The following ZBTB25 variants were observed in gnomAD, a reference collection of about 807,000 sequenced individuals.
The protein encoded by ZBTB25 is zinc finger and BTB domain containing 25.
In ZBTB25, 20 loss-of-function variants were observed where a neutral mutation model predicts 34.2. That is an observed-to-expected ratio of 0.58 (90% CI 0.41 to 0.85). ZBTB25 has a LOEUF of 0.85. ZBTB25 is among the 40% of genes least tolerant of loss of function. The probability of loss-of-function intolerance (pLI) is 0.00; values close to 1 mark genes in which losing one functional copy is unlikely to be tolerated. For missense variants in ZBTB25, 437 were observed against 521.8 expected (o/e 0.84, Z 1.58); for synonymous variants, 175 against 186.4 (o/e 0.94, Z 0.50).
At chr14:64,491,879 G>T (rs2079092200) in intron 1 of ZBTB25, among the ~76,000 whole-genome samples, 1 of 152,166 alleles carries the variant, frequency 6.6e-6, no homozygotes, top group Non-Finnish European at 1.5e-5. Context: ...GCCGTCTAAA[G>T]ATTGGCAGTG....
rs1454973855 is a variant in ZBTB25, at chr14:64,503,820, C to T, written c.-167G>A. On this transcript the variant is annotated 5_prime_UTR_variant, in exon 1 of 3. Coordinates refer to ENST00000608382, the MANE Select transcript of ZBTB25 (RefSeq NM_006977.5). The stretch of plus-strand genomic sequence containing the variant: ...GCGATGGCCCCACGTGACCGCGTGT[C>T]TGGTAGCAGGGGAAAGAGGGGCGCC... The T allele has an allele frequency of 6.3e-6, 1 of 159,310 alleles. No individual in the cohort carries two copies. Among genetic ancestry groups the T allele is most frequent in the Non-Finnish European group, 1.3e-5 (1 of 74,602 alleles). 9.9% of individuals were successfully genotyped at this position (159,310 alleles called of 1,614,324 possible).
intron 1 of ZBTB25, chr14:64,502,950 C>A: frequency 1.0e-6 from 1 of 985,456 alleles, no homozygotes; most frequent in East Asian, 1.1e-4. Flanking sequence ...ACTTGAGTCT[C>A]AAGAGAAAGA....
In ZBTB25 at chr14:64,486,328, T is replaced by C; in HGVS notation, c.*595A>G. On this transcript the variant is annotated 3_prime_UTR_variant, in exon 3 of 3. Coordinates refer to ENST00000608382, the MANE Select transcript of ZBTB25 (RefSeq NM_006977.5). ...AAAAAAAAAAGAGGTATACTCAATG[T>C]TAAAAAGTAAAGAGAAGCCATGTAG... 1.0e-6 allele frequency: 1 copy of C among 985,048 alleles called. No homozygotes were observed. The highest frequency in any genetic ancestry group is 1.7e-5 in the African/African-American group (1 of 57,278). 61.0% of individuals were successfully genotyped at this position (985,048 alleles called of 1,614,324 possible).
intron 2 of ZBTB25, among the ~76,000 whole-genome samples, chr14:64,488,682 T>C (rs991547953): frequency 5.9e-5 from 9 of 152,216 alleles, no homozygotes; most frequent in Non-Finnish European, 1.3e-4. Context: ...ACAAGTATTA[T>C]ATAAAATATC....
Position 64,484,953 on chromosome 14 carries a change from A to G in ZBTB25, c.*1970T>C. 1 of 967,426 alleles carries G rather than the reference A, an allele frequency of 1.0e-6. No homozygotes were observed. The highest frequency in any genetic ancestry group is 1.2e-6 in the Non-Finnish European group (1 of 813,606). 59.9% of individuals were successfully genotyped at this position (967,426 alleles called of 1,614,324 possible). A position where few individuals can be genotyped will look rare whatever the true frequency, so the allele number is the denominator to read the frequency against. On this transcript the variant is annotated 3_prime_UTR_variant, in exon 3 of 3. Coordinates refer to ENST00000608382, the MANE Select transcript of ZBTB25 (RefSeq NM_006977.5). ...TTAGACAAAGTTCTGACCCCAAAGA[A>G]CATACATTTGTTTTAATTACTCCCA... is the stretch of plus-strand genomic sequence containing the variant.
At chr14:64,502,575 T>C in intron 1 of ZBTB25, 1 of 957,504 alleles carries the variant, frequency 1.0e-6, no homozygotes, top group Non-Finnish European at 1.2e-6. Flanking sequence ...CTACCTCACC[T>C]AGAAATACCA....
At chr14:64,498,723 T>TC (rs2079375447) in intron 1 of ZBTB25, among the ~76,000 whole-genome samples, 2 of 152,058 alleles carry the variant, frequency 1.3e-5, no homozygotes, top group Non-Finnish European at 2.9e-5. Flanking sequence ...AAGCTCCGCC[T>TC]CCCGGGTTCG....
At chr14:64,470,930 C>G (rs1019982717) in intron 2 of ZBTB25, 1 of 166,964 alleles carries the variant, frequency 6.0e-6, no homozygotes, top group Non-Finnish European at 1.5e-5. Flanking sequence ...AGATTCAAAG[C>G]CAGCCTGGTA....
chr14:64,455,224 C>T (rs2078450221), intron 2 of ZBTB25: 1 of 333,876 alleles, frequency 3.0e-6, no homozygotes, highest in African/African-American at 2.1e-5. Context: ...GGGAGCCTTA[C>T]ATAGATTAAC....
At chr14:64,468,035 TA>T (rs1250945710) in intron 2 of ZBTB25, 7 of 157,518 alleles carry the variant, frequency 4.4e-5, no homozygotes, top group African/African-American at 1.7e-4. Flanking sequence ...ATATGGAAAA[TA>T]TGCCTGGTAG....
chr14:64,503,713 C>T lies in ZBTB25; in HGVS notation c.-60G>A, dbSNP rs1383629981. 1.5e-6 allele frequency: 1 copy of T among 675,440 alleles called. No individual in the cohort carries two copies. The highest frequency in any genetic ancestry group is 1.4e-4 in the East Asian group (1 of 7,354). 41.8% of individuals were successfully genotyped at this position (675,440 alleles called of 1,614,324 possible). On this transcript the variant is annotated 5_prime_UTR_variant, in exon 1 of 3. Transcript: ENST00000608382. ...CTCCTCCGTGCAGGAGGGGCGGGCT[C>T]CCAAGCCGCGCACTGCAAGCAGTGG...
intron 2 of ZBTB25, among the ~76,000 whole-genome samples, chr14:64,457,191 G>C (rs555145106): frequency 6.6e-6 from 1 of 152,326 alleles, no homozygotes; most frequent in East Asian, 1.9e-4. Context: ...CTACCATCGT[G>C]TTGCTGAAGC....
At position 64,484,135 on chromosome 14, in the gene ZBTB25, G is replaced by A. The variant is rs780523364; in HGVS notation, c.*2788C>T. ...GAATGTTTTAAGGAACAAGGAAAGA[G>A]CATTTGCTTTGAATTTCTAATATTA... On this transcript the variant is annotated 3_prime_UTR_variant, in exon 3 of 3. Coordinates refer to ENST00000608382, the MANE Select transcript of ZBTB25 (RefSeq NM_006977.5). The A allele has an allele frequency of 1.3e-5, 2 of 152,054 alleles. No homozygotes were observed. Among genetic ancestry groups the A allele is most frequent in the Non-Finnish European group, 2.9e-5 (2 of 68,004 alleles). The allele number at this position is 152,054 out of a possible 1,614,324, so 9.4% of individuals were successfully genotyped here. A position where few individuals can be genotyped will look rare whatever the true frequency, so the allele number is the denominator to read the frequency against.
chr14:64,483,714 C>G lies in ZBTB25; in HGVS notation c.*3209G>C, dbSNP rs184634386. On this transcript the variant is annotated 3_prime_UTR_variant, in exon 3 of 3. Coordinates refer to ENST00000608382, the MANE Select transcript of ZBTB25 (RefSeq NM_006977.5). The stretch of plus-strand genomic sequence containing the variant: ...GCCTGCAGACCCGGGCGCGGTGGCT[C>G]ATGCCTGTAATCTGAGGCAGGCAGA... 6.6e-6 allele frequency: 1 copy of G among 152,120 alleles called. No homozygotes were observed. Among genetic ancestry groups the G allele is most frequent in the Non-Finnish European group, 1.5e-5 (1 of 68,112 alleles). 9.4% of individuals were successfully genotyped at this position (152,120 alleles called of 1,614,324 possible). A position where few individuals can be genotyped will look rare whatever the true frequency, so the allele number is the denominator to read the frequency against.
At chr14:64,471,918 C>T (rs1383423613) in intron 2 of ZBTB25, 1 of 166,506 alleles carries the variant, frequency 6.0e-6, no homozygotes, top group African/African-American at 2.4e-5. Flanking sequence ...ACAAAAGAAA[C>T]TAATCTGACT....
At chr14:64,505,041 G>A (rs1466180228), upstream of ZBTB25, 1 of 378,314 alleles carries the variant, frequency 2.6e-6, no homozygotes, top group African/African-American at 2.1e-5. Flanking sequence ...GGCCGGAGGG[G>A]CGCCGATCCG....
At chr14:64,474,573 T>C (rs902743143), downstream of ZBTB25, 2 of 165,394 alleles carry the variant, frequency 1.2e-5, no homozygotes, top group Non-Finnish European at 2.9e-5. Flanking sequence ...AAAGATCACA[T>C]TGATGGAACT....
intron 1 of ZBTB25, chr14:64,503,133 A>G (rs780888195): frequency 2.0e-6 from 2 of 985,544 alleles, no homozygotes; most frequent in South Asian, 4.7e-5. Flanking sequence ...TCAAGCTTCA[A>G]AAAGAAAAAC....
At position 64,458,530 on chromosome 14, in the gene ZBTB25, T is replaced by C. The variant is rs1437906410; in HGVS notation, c.174-8892A>G. ...TTTTTGGAAGAAGCGCAGCATGGCT[T>C]GTCACAGGTTGACAGTGTAGGGGAG... On this transcript the variant is annotated intron_variant, in intron 2 of 2. Coordinates refer to the ZBTB25 transcript ENST00000555220. The C allele has an allele frequency of 7.1e-6, 4 of 560,960 alleles. No individual in the cohort carries two copies. In the African/African-American group the frequency reaches 7.5e-5, roughly 11 times the overall value. The allele number at this position is 560,960 out of a possible 1,614,324, so 34.7% of individuals were successfully genotyped here. A position where few individuals can be genotyped will look rare whatever the true frequency, so the allele number is the denominator to read the frequency against.
Sources: gnomAD v4.1 joint callset for allele counts (sites outside exome capture counted in the v4.1 genomes callset) on GRCh38, gnomAD v4.1.1 for gene constraint, MANE v1.5 for transcripts, NCBI Gene and HGNC (gene_info 2026-07-23, HGNC 2026-07-21) for gene names.